The following PRKN variants were observed in gnomAD, a reference collection of about 807,000 sequenced individuals.
PRKN encodes E3 ubiquitin-protein ligase parkin.
A neutral mutation model predicts 59.5 loss-of-function variants in PRKN; 56 were observed. The ratio of observed to expected loss-of-function variants is 0.94; its 90% CI spans 0.76 to 1.18. PRKN has a LOEUF of 1.18. Among genes scored for constraint, PRKN ranks in the 50% most tolerant of loss-of-function variants. The pLI, the probability that PRKN is intolerant of heterozygous loss-of-function variation, is 0.00. For synonymous variants in PRKN, 250 were observed against 222.1 expected (o/e 1.13, Z -1.12); for missense variants, 657 against 596.4 (o/e 1.10, Z -1.06).
chr6:161,979,326 G>A (rs1048909083), intron 5 of PRKN, among the ~76,000 whole-genome samples: 2 of 152,114 alleles, frequency 1.3e-5, no homozygotes, highest in Admixed American at 1.3e-4. Flanking sequence ...AGGCTGGAAT[G>A]CAGTGGCACG....
intron 1 of PRKN, among the ~76,000 whole-genome samples, chr6:162,516,102 T>A (rs886263741): frequency 1.3e-5 from 2 of 152,190 alleles, no homozygotes; most frequent in African/African-American, 4.8e-5. Flanking sequence ...GCCAGTTCCG[T>A]CTTTGCACTG....
intron 9 of PRKN, among the ~76,000 whole-genome samples, chr6:161,450,058 G>C (rs1178959088): frequency 6.6e-6 from 1 of 152,156 alleles, no homozygotes; most frequent in Non-Finnish European, 1.5e-5. Context: ...TTATCCTCCA[G>C]CCTCAAAATA....
At chr6:162,070,355 T>C (rs1231923906) in intron 4 of PRKN, among the ~76,000 whole-genome samples, 1 of 152,176 alleles carries the variant, frequency 6.6e-6, no homozygotes, top group Non-Finnish European at 1.5e-5. Context: ...TCTTGGAAAA[T>C]ATAGTCATAT....
At position 161,956,832 on chromosome 6, in the gene PRKN, T is replaced by C. The variant is rs112329693; in HGVS notation, c.734+16470A>G. ...ATTTTAGCATTTTCCTAGGATACTG[T>C]TCTATATAAATTCTGTAATAGAGTT... is the stretch of plus-strand genomic sequence containing the variant. On this transcript the variant is annotated intron_variant, in intron 6 of 11. Transcript: ENST00000366898. Among the ~76,000 whole-genome samples, 602 of 152,318 alleles carry C rather than the reference T, an allele frequency of 4.0e-3. 4 individuals are homozygous for C. The highest frequency in any genetic ancestry group is 0.01 in the African/African-American group (422 of 41,582).
intron 6 of PRKN, among the ~76,000 whole-genome samples, chr6:161,874,381 A>T (rs1483102107): frequency 1.1e-5 from 1 of 92,624 alleles, no homozygotes; most frequent in East Asian, 3.2e-4. Flanking sequence ...ATTATATATA[A>T]AATATATATT....
rs78477361 is a variant in PRKN, at chr6:161,560,371, C to T, written c.933+8984G>A. On this transcript the variant is annotated intron_variant, in intron 8 of 11. Transcript: ENST00000366898. The surrounding 1 kb of genome is among the most constrained non-coding windows in gnomAD (Gnocchi z 4.9). ...GTTGTCCCTTGGCTCCTTAACGACG[C>T]CCCCAAATGCTTGGGTTCCTCTCCC... Among the ~76,000 whole-genome samples the T allele has an allele frequency of 0.011, 1,655 of 152,204 alleles. 36 individuals are homozygous for T. The highest frequency in any genetic ancestry group is 0.038 in the African/African-American group (1,587 of 41,536).
intron 2 of PRKN, among the ~76,000 whole-genome samples, chr6:162,278,250 G>A (rs1780721110): frequency 6.6e-6 from 1 of 152,156 alleles, no homozygotes; most frequent in Non-Finnish European, 1.5e-5. Flanking sequence ...ACACTATAGA[G>A]ACATTGAAAA....
In PRKN at chr6:162,055,770, G is replaced by T. The variant is rs185642338; in HGVS notation, c.535-1596C>A. Reference sequence around the variant, plus strand: ...GTGTTTAAGTTGTAGGAGCTAAATCGGTCATCACAAGGCCCATCTCTGCTT... The same window carrying T: ...GTGTTTAAGTTGTAGGAGCTAAATCTGTCATCACAAGGCCCATCTCTGCTT... On this transcript the variant is annotated intron_variant, in intron 4 of 11. Transcript: ENST00000366898. 6.6e-5 allele frequency among the ~76,000 whole-genome samples: 10 copies of T among 152,182 alleles called. No homozygotes were observed. The South Asian group carries it at 1.0e-3, about 16-fold the overall frequency.
chr6:162,336,562 C>G (rs2128126425), intron 2 of PRKN, among the ~76,000 whole-genome samples: 1 of 152,296 alleles, frequency 6.6e-6, no homozygotes, highest in Non-Finnish European at 1.5e-5. Context: ...TGATTGATGC[C>G]TGCCATCTCA....
chr6:162,549,721 C>T (rs577102491), intron 1 of PRKN, among the ~76,000 whole-genome samples: 6 of 151,564 alleles, frequency 4.0e-5, no homozygotes, highest in Admixed American at 1.3e-4. Flanking sequence ...TCACTGCAAC[C>T]GCTGCCTCCT....
rs181100592 is a variant in PRKN, at chr6:162,500,213, C to T, written c.8-56740G>A. Among the ~76,000 whole-genome samples the T allele has an allele frequency of 2.5e-4, 37 of 150,460 alleles. 1 individual carries two copies. The highest frequency in any genetic ancestry group is 4.9e-4 in the Non-Finnish European group (33 of 67,666). On this transcript the variant is annotated intron_variant, in intron 1 of 11. Coordinates refer to ENST00000366898, the MANE Select transcript of PRKN (RefSeq NM_004562.3). Reference sequence around the variant, plus strand: ...TTGGTGACAGAGTTTCACTCTGTTACCCAGGCTGGAGTGCAGTGCATGATA... The same window carrying T: ...TTGGTGACAGAGTTTCACTCTGTTATCCAGGCTGGAGTGCAGTGCATGATA...
At position 161,569,262 on chromosome 6, in the gene PRKN, G is replaced by A. The variant is rs139796936; in HGVS notation, c.933+93C>T. On this transcript the variant is annotated intron_variant, in intron 8 of 11. Coordinates refer to ENST00000366898, the MANE Select transcript of PRKN (RefSeq NM_004562.3). Reference sequence around the variant, plus strand: ...CCCATTTCAGGGCACCCAGGGTCAGGAGACATACTCGGCCTCCCTGGGGAG... The same window carrying A: ...CCCATTTCAGGGCACCCAGGGTCAGAAGACATACTCGGCCTCCCTGGGGAG... 1.6e-3 allele frequency: 1,789 copies of A among 1,096,206 alleles called. 21 individuals carry two copies. In the African/African-American group the frequency reaches 0.025, roughly 15 times the overall value. The allele number at this position is 1,096,206 out of a possible 1,614,324, so 67.9% of individuals were successfully genotyped here. A position where few individuals can be genotyped will look rare whatever the true frequency, so the allele number is the denominator to read the frequency against.
intron 2 of PRKN, among the ~76,000 whole-genome samples, chr6:162,307,544 C>T (rs113089418): frequency 0.038 from 5,758 of 151,700 alleles, 349 homozygotes; most frequent in African/African-American, 0.13. Flanking sequence ...GAAAATGCCA[C>T]AGAAGGAAGA....
intron 1 of PRKN, among the ~76,000 whole-genome samples, chr6:162,566,688 T>C (rs544891108): frequency 9.7e-4 from 148 of 152,290 alleles, no homozygotes; most frequent in African/African-American, 3.2e-3. Flanking sequence ...GCTTCACTGC[T>C]GAATTCTACC....
chr6:161,545,389 G>A lies in PRKN; in HGVS notation c.1083+3465C>T. On this transcript the variant is annotated intron_variant, in intron 9 of 11. Coordinates refer to ENST00000366898, the MANE Select transcript of PRKN (RefSeq NM_004562.3). The surrounding 1 kb of genome is among the most constrained non-coding windows in gnomAD (Gnocchi z 4.1). ...TTTCCTTGAACGATGTATTGAATGA[G>A]GCACTCACTTCTCCCTGAGGCAGCT... is the stretch of plus-strand genomic sequence containing the variant. 6.2e-7 allele frequency: 1 copy of A among 1,612,314 alleles called. No homozygotes were observed. Among genetic ancestry groups the A allele is most frequent in the South Asian group, 1.1e-5 (1 of 90,962 alleles).
intron 6 of PRKN, among the ~76,000 whole-genome samples, chr6:161,916,276 A>T (rs959169791): frequency 2.6e-5 from 4 of 152,236 alleles, no homozygotes; most frequent in Non-Finnish European, 4.4e-5. Context: ...GAGAAACTTA[A>T]GAAGATGGGA....
At chr6:161,416,119 C>G (rs1422825149) in intron 9 of PRKN, among the ~76,000 whole-genome samples, 2 of 152,168 alleles carry the variant, frequency 1.3e-5, no homozygotes, top group Non-Finnish European at 1.5e-5. Flanking sequence ...TGGAAATGCT[C>G]TGACACAGAG....
At chr6:161,482,163 A>G (rs972261858) in intron 9 of PRKN, among the ~76,000 whole-genome samples, 1 of 152,224 alleles carries the variant, frequency 6.6e-6, no homozygotes, top group African/African-American at 2.4e-5. Context: ...ATTCAAATAG[A>G]TAACATAAAA....
At chr6:162,382,615 T>C (rs1003644706) in intron 2 of PRKN, among the ~76,000 whole-genome samples, 3 of 152,204 alleles carry the variant, frequency 2.0e-5, no homozygotes, top group African/African-American at 4.8e-5. Flanking sequence ...TGCTTTGATA[T>C]TGATGACTGC....
Sources: gnomAD v4.1 joint callset for allele counts (sites outside exome capture counted in the v4.1 genomes callset) on GRCh38, gnomAD v4.1.1 for gene constraint, Gnocchi (gnomAD v3.1) non-coding constraint, MANE v1.5 for transcripts, NCBI Gene and HGNC (gene_info 2026-07-23, HGNC 2026-07-21) for gene names.